Variants in XRN2 observed in about 807,000 individuals in gnomAD.
The protein encoded by XRN2 is DHM1-like protein.
XRN2 carries 44 observed loss-of-function variants against 138.5 expected under a neutral mutation model. The ratio of observed to expected loss-of-function variants is 0.32; its 90% CI spans 0.25 to 0.41. The LOEUF is 0.41. Among genes scored for constraint, XRN2 ranks in the 10% least tolerant of loss-of-function variants. XRN2 has a pLI of 1.00. For synonymous variants in XRN2, 354 were observed against 369.4 expected, an observed-to-expected ratio of 0.96 and a Z score of 0.48; for missense variants, 937 against 1,169.3, an observed-to-expected ratio of 0.80 and a Z score of 2.90.
chr20:21,369,987 A>G (rs568452605), intron 27 of XRN2, among the ~76,000 whole-genome samples: 2 of 152,310 alleles, frequency 1.3e-5, no homozygotes, highest in Admixed American at 1.3e-4. Context: ...TTGTTGTAGC[A>G]GTTTCATAGA....
Position 21,357,791 on chromosome 20 carries a change from A to C in XRN2, c.2254A>C (p.Ser752Arg). ...LRDLTQNTVV[S>R]INFKDPQFAE... ...GGATCTGACACAGAACACTGTAGTCAGGTAAGTTTTCCAAAATTCATGGCA... is the reference window on the plus strand; with the variant it reads ...GGATCTGACACAGAACACTGTAGTCCGGTAAGTTTTCCAAAATTCATGGCA... Residue 752 changes from serine to arginine, a missense_variant and splice_region_variant, in exon 24 of 30, where the codon AGT becomes CGT. Ser to Arg is a moderately radical substitution (Grantham distance 110, BLOSUM62 -1). This residue lies in a region of XRN2 where 372 missense variants were observed against 414.4 expected (regional missense o/e 0.90). Coordinates refer to ENST00000377191, the MANE Select transcript of XRN2 (RefSeq NM_012255.5). 6.3e-7 allele frequency: 1 copy of C among 1,598,764 alleles called. No homozygotes were observed. The highest frequency in any genetic ancestry group is 8.5e-7 in the Non-Finnish European group (1 of 1,173,126).
chr20:21,308,922 T>C (rs1480281915), intron 1 of XRN2, among the ~76,000 whole-genome samples: 3 of 152,236 alleles, frequency 2.0e-5, no homozygotes, highest in African/African-American at 7.2e-5. Context: ...AGAAGTTTTA[T>C]AGTTTTACTT....
At chr20:21,357,617 T>G in intron 23 of XRN2, 119 bp from the exon 24 acceptor site, 1 of 685,336 alleles carries the variant, frequency 1.5e-6, no homozygotes, top group Non-Finnish European at 2.3e-6. Context: ...ATTGTTTTTG[T>G]TAGTGCATTC....
At chr20:21,314,599 G>C (rs1446043671) in intron 1 of XRN2, among the ~76,000 whole-genome samples, 1 of 152,022 alleles carries the variant, frequency 6.6e-6, no homozygotes, top group Non-Finnish European at 1.5e-5. Context: ...CGATTCTCCT[G>C]CCTCAGTCTC....
At chr20:21,348,524 C>A in intron 19 of XRN2, 94 bp downstream of exon 19, 1 of 1,092,584 alleles carries the variant, frequency 9.2e-7, no homozygotes, top group Non-Finnish European at 1.4e-6. Flanking sequence ...ATAGTTAAAA[C>A]AGTGAAGTAC....
chr20:21,339,779 T>G (rs1187748601), intron 14 of XRN2, among the ~76,000 whole-genome samples: 1 of 152,200 alleles, frequency 6.6e-6, no homozygotes, highest in Admixed American at 6.5e-5. Context: ...GATACATGTT[T>G]TCTTACTTAA....
intron 17 of XRN2, 149 bp downstream of exon 17, chr20:21,346,699 G>C: frequency 1.1e-6 from 1 of 921,518 alleles, no homozygotes; most frequent in Non-Finnish European, 1.6e-6. Flanking sequence ...AACTCACTGC[G>C]ACCTCTGCCT....
At chr20:21,325,930 G>A (rs1037249598) in intron 1 of XRN2, among the ~76,000 whole-genome samples, 5 of 152,242 alleles carry the variant, frequency 3.3e-5, no homozygotes, top group Non-Finnish European at 5.9e-5. Flanking sequence ...AGATGAAGTA[G>A]GTAAGCATTT....
chr20:21,329,714 A>G (rs1004540626), intron 4 of XRN2, among the ~76,000 whole-genome samples: 6 of 152,122 alleles, frequency 3.9e-5, no homozygotes, highest in African/African-American at 1.4e-4. Context: ...GATAGAGAGG[A>G]AAAAATAGGA....
chr20:21,328,400 C>T (rs532942880), intron 3 of XRN2, among the ~76,000 whole-genome samples, 159 bp from the exon 4 acceptor site: 18 of 152,348 alleles, frequency 1.2e-4, no homozygotes, highest in African/African-American at 4.1e-4. Flanking sequence ...TTTAAGTTCT[C>T]AGCATCTGGT....
chr20:21,303,463 T>C lies in XRN2; in HGVS notation c.65T>C (p.Val22Ala), dbSNP rs1480912782. The change falls in exon 1 of 30, where the codon GTG (valine) becomes GCG (alanine). Residue 22 changes from valine (V) to alanine (A), a missense_variant. Val to Ala is a moderately conservative substitution (Grantham distance 64). Transcript: ENST00000377191. The part of the protein sequence containing the change: ...RKYPSIIVNC[V>A]EEKPKECNGV... The stretch of plus-strand genomic sequence containing the variant: ...TACCCGTCCATCATAGTCAACTGCG[T>C]GGAAGAGAAGGTGAGGAGGCGCCAG... 3 of 1,544,512 alleles carry C rather than the reference T, an allele frequency of 1.9e-6. No individual in the cohort carries two copies. The highest frequency in any genetic ancestry group is 2.6e-6 in the Non-Finnish European group (3 of 1,144,958).
intron 13 of XRN2, among the ~76,000 whole-genome samples, chr20:21,335,513 G>C (rs1459964370): frequency 1.3e-5 from 2 of 152,142 alleles, no homozygotes; most frequent in Admixed American, 1.3e-4. Context: ...ATGTAACATA[G>C]TGGGTTGACT....
chr20:21,357,782 A>G lies in XRN2; in HGVS notation c.2245A>G (p.Thr749Ala). The change falls in exon 24 of 30, where the codon ACT becomes GCT. Residue 749 changes from threonine (T) to alanine (A), a missense_variant. This residue lies in a region of XRN2 where 372 missense variants were observed against 414.4 expected (regional missense o/e 0.90). Transcript: ENST00000377191. ...VPMLRDLTQN[T>A]VVSINFKDPQ... ...TATGTTAAGGGATCTGACACAGAAC[A>G]CTGTAGTCAGGTAAGTTTTCCAAAA... The G allele has an allele frequency of 1.9e-6, 3 of 1,599,256 alleles. No homozygotes were observed. Among genetic ancestry groups the G allele is most frequent in the South Asian group, 2.3e-5 (2 of 86,902 alleles).
chr20:21,363,987 A>C (rs939271716), intron 24 of XRN2, among the ~76,000 whole-genome samples: 2 of 151,938 alleles, frequency 1.3e-5, no homozygotes, highest in Non-Finnish European at 2.9e-5. Context: ...GCTGGAGTGC[A>C]GTGGTGTGGT....
At chr20:21,385,271 C>T (rs989271106) in intron 28 of XRN2, among the ~76,000 whole-genome samples, 4 of 152,090 alleles carry the variant, frequency 2.6e-5, no homozygotes, top group East Asian at 1.9e-4. Flanking sequence ...GTTTTTAGCC[C>T]GTGGGTTTTG....
intron 13 of XRN2, among the ~76,000 whole-genome samples, chr20:21,336,641 CAA>C (rs2038298764): frequency 6.6e-6 from 1 of 152,014 alleles, no homozygotes; most frequent in African/African-American, 2.4e-5. Flanking sequence ...CAGCAAAAAA[CAA>C]AAAAGGAGAC....
chr20:21,349,241 A>G, intron 19 of XRN2, 148 bp from the exon 20 acceptor site: 1 of 618,860 alleles, frequency 1.6e-6, no homozygotes, highest in East Asian at 2.9e-5. Context: ...ACTTGGGATT[A>G]ATGACCTAAT....
Position 21,326,280 on chromosome 20 carries a change from C to A in XRN2, c.77C>A (p.Pro26Gln). ...SIIVNCVEEK[P>Q]KECNGVKIPV... ...CTATTAATTATCACTTCCTCATAGC[C>A]AAAAGAATGCAATGGTGTAAAGATT... is the stretch of plus-strand genomic sequence containing the variant. The change falls in exon 2 of 30, where the codon CCA becomes CAA. Residue 26 changes from proline to glutamine, a missense_variant and splice_region_variant. This residue lies in a region of XRN2 where 51 missense variants were observed against 93.5 expected (regional missense o/e 0.55). Transcript: ENST00000377191. 1 of 1,612,568 alleles carries A rather than the reference C, an allele frequency of 6.2e-7. No individual in the cohort carries two copies. The highest frequency in any genetic ancestry group is 1.1e-5 in the South Asian group (1 of 90,890).
intron 1 of XRN2, among the ~76,000 whole-genome samples, chr20:21,317,059 A>C (rs2037969481): frequency 6.6e-6 from 1 of 152,126 alleles, no homozygotes; most frequent in South Asian, 2.1e-4. Flanking sequence ...AATATAGTTT[A>C]ATTTCTTTTT....
Sources: allele counts gnomAD v4.1 joint callset (sites outside exome capture counted in the v4.1 genomes callset), GRCh38; gene constraint gnomAD v4.1.1; regional missense constraint gnomAD v4.1.1; transcripts MANE v1.5; gene names NCBI Gene and HGNC (gene_info 2026-07-23, HGNC 2026-07-21).